CFAP161: variants seen among roughly 807,000 people sequenced by gnomAD.
CFAP161 encodes cilia and flagella associated protein 161, also known as cilia- and flagella-associated protein 161.
Under a neutral mutation model 29.0 loss-of-function variants are expected in CFAP161, and 25 were observed. That is an observed-to-expected ratio of 0.86 (90% CI 0.63 to 1.20). The LOEUF (loss-of-function observed/expected upper bound fraction) is 1.20. Among genes scored for constraint, CFAP161 ranks in the 50% most tolerant of loss-of-function variants. The probability of loss-of-function intolerance (pLI) is 0.00; values close to 1 mark genes in which losing one functional copy is unlikely to be tolerated. For synonymous variants in CFAP161, 116 were observed against 137.4 expected (o/e 0.84, Z 1.09); for missense variants, 367 against 371.9 (o/e 0.99, Z 0.11).
intron 1 of CFAP161, among the ~76,000 whole-genome samples, chr15:81,105,163 T>TC (rs1246992229): frequency 9.0e-5 from 3 of 33,152 alleles, no homozygotes; most frequent in African/African-American, 3.8e-4. Flanking sequence ...CTCCCTCCCT[T>TC]CCTTCCTCCC....
At chr15:81,108,628 C>A (rs1266916368) in intron 1 of CFAP161, among the ~76,000 whole-genome samples, 2 of 152,144 alleles carry the variant, frequency 1.3e-5, no homozygotes, top group Non-Finnish European at 1.5e-5. Context: ...TCTGGTGGGG[C>A]AAGGTGGAAG....
chr15:81,140,569 T>C (rs189350214), intron 4 of CFAP161, among the ~76,000 whole-genome samples: 105 of 151,898 alleles, frequency 6.9e-4, no homozygotes, highest in African/African-American at 2.3e-3. Flanking sequence ...TTTTTTCCTT[T>C]TTTTTTTGAG....
chr15:81,103,855 G>A (rs560427842), intron 1 of CFAP161, among the ~76,000 whole-genome samples: 1 of 152,172 alleles, frequency 6.6e-6, no homozygotes, highest in East Asian at 1.9e-4. Flanking sequence ...ACTATCTCCG[G>A]ATAAATAGTG....
chr15:81,133,176 CATATATATATATATATATATAT>C (rs141326043), upstream of CFAP161, among the ~76,000 whole-genome samples: 792 of 60,982 alleles, frequency 0.013, 33 homozygotes, highest in African/African-American at 0.043. Flanking sequence ...CCTTCATCAG[CATATATATATATATATATATAT>C]ATATATATAT....
chr15:81,142,110 T>C lies in CFAP161; in HGVS notation c.478-1552T>C, dbSNP rs908438768. Reference sequence around the variant, plus strand: ...ACGTCCAGCTGATTACCAGGTCTCTTCCGCTGTTCCTAGGCTCTTTTCTCC... The same window carrying C: ...ACGTCCAGCTGATTACCAGGTCTCTCCCGCTGTTCCTAGGCTCTTTTCTCC... On this transcript the variant is annotated intron_variant, in intron 4 of 6. Transcript: ENST00000286732. Among the ~76,000 whole-genome samples the C allele has an allele frequency of 7.2e-5, 11 of 152,060 alleles. 1 individual carries two copies. The highest frequency in any genetic ancestry group is 2.9e-5 in the Non-Finnish European group (2 of 68,018).
At position 81,136,634 on chromosome 15, in the gene CFAP161, G is replaced by C. The variant is rs202018244; in HGVS notation, c.278G>C (p.Cys93Ser). Residue 93 changes from cysteine (C) to serine (S), a missense_variant, in exon 3 of 7, where the codon TGT (cysteine) becomes TCT (serine). Physicochemically the swap from Cys to Ser is moderately radical, Grantham distance 112. Coordinates refer to ENST00000286732, the MANE Select transcript of CFAP161 (RefSeq NM_173528.4). ...TTTCTGCGTGGGGACCTGAGCCTGT[G>C]TATGACTCCAGATGAAATTCAGTCC... ...DVFLRGDLSL[C>S]MTPDEIQSHL... 42 of 1,614,178 alleles carry C rather than the reference G, an allele frequency of 2.6e-5. No homozygotes were observed. In the African/African-American group the frequency reaches 4.7e-4, roughly 18 times the overall value.
At chr15:81,116,460 A>AC (rs1567152341) in intron 1 of CFAP161, among the ~76,000 whole-genome samples, 1 of 151,778 alleles carries the variant, frequency 6.6e-6, no homozygotes, top group African/African-American at 2.4e-5. Context: ...CGCCCAGCTA[A>AC]TTTTTTTTGT....
intron 1 of CFAP161, among the ~76,000 whole-genome samples, chr15:81,114,742 C>A (rs1894476148): frequency 6.6e-6 from 1 of 152,184 alleles, no homozygotes; most frequent in South Asian, 2.1e-4. Context: ...CGGCTCACTG[C>A]AAGCTCCGCC....
rs1479063463 is a variant in CFAP161 at position 81,105,244 on chromosome 15, C to T, written c.-141-22346C>T. Among the ~76,000 whole-genome samples, 3 of 108,580 alleles carry T rather than the reference C, an allele frequency of 2.8e-5. 1 individual carries two copies. Among genetic ancestry groups the T allele is most frequent in the Non-Finnish European group, 5.6e-5 (3 of 53,556 alleles). 71.2% of individuals were successfully genotyped at this position (108,580 alleles called of 152,430 possible). A position where few individuals can be genotyped will look rare whatever the true frequency, so the allele number is the denominator to read the frequency against. On this transcript the variant is annotated intron_variant, in intron 1 of 4. Transcript: ENST00000560091. ...CACCCTCCCCCCTCTTTCTTTCTCT[C>T]TCTCTCTCCTTCCTCTTTCTCTTTC...
chr15:81,124,133 G>C (rs1894610406), intron 1 of CFAP161, among the ~76,000 whole-genome samples: 1 of 152,134 alleles, frequency 6.6e-6, no homozygotes, highest in South Asian at 2.1e-4. Context: ...CAAGAGGAAG[G>C]CTTCCAGTAT....
intron 1 of CFAP161, among the ~76,000 whole-genome samples, chr15:81,114,606 A>C (rs1894473999): frequency 6.6e-6 from 1 of 152,242 alleles, no homozygotes; most frequent in African/African-American, 2.4e-5. Context: ...CAATGGGAAT[A>C]TGCATGTCAT....
intron 1 of CFAP161, among the ~76,000 whole-genome samples, chr15:81,109,592 T>C (rs950536908): frequency 2.0e-5 from 3 of 152,180 alleles, no homozygotes; most frequent in Non-Finnish European, 2.9e-5. Context: ...TAGTCCCAGC[T>C]ATTCAGGAGG....
At chr15:81,133,768 A>T (rs1330327754), upstream of CFAP161, among the ~76,000 whole-genome samples, 5 of 152,116 alleles carry the variant, frequency 3.3e-5, no homozygotes, top group Non-Finnish European at 5.9e-5. Context: ...AAACAGAAAT[A>T]TACTAACATG....
chr15:81,143,700 G>A lies in CFAP161; in HGVS notation c.516G>A (p.Ser172=), dbSNP rs62000988. 9.7e-5 allele frequency: 157 copies of A among 1,614,038 alleles called. 1 individual carries two copies. The African/African-American group carries it at 1.5e-3, about 15-fold the overall frequency. ...LSSDHRTLLK[S]SKRSWLQEVY... is the part of the protein sequence containing the mutation. ...GTGACCACAGGACCCTCCTGAAATC[G>A]TCTAAGAGGTCTTGGCTCCAGGAAG... The change falls in exon 5 of 7, where the codon TCG becomes TCA. Residue 172 remains serine, a synonymous_variant. Coordinates refer to ENST00000286732, the MANE Select transcript of CFAP161 (RefSeq NM_173528.4).
At chr15:81,130,824 G>C (rs1443096763), upstream of CFAP161, among the ~76,000 whole-genome samples, 1 of 152,138 alleles carries the variant, frequency 6.6e-6, no homozygotes, top group Admixed American at 6.5e-5. Context: ...TGTGTCTCAG[G>C]GACTGGGAAG....
chr15:81,134,417 G>A lies in CFAP161; in HGVS notation c.69+19G>A. The A allele has an allele frequency of 1.3e-6, 2 of 1,572,034 alleles. No individual in the cohort carries two copies. Among genetic ancestry groups the A allele is most frequent in the Admixed American group, 1.9e-5 (1 of 52,134 alleles). ...GGAGGAGGTACGCAGGGTGTGGCCA[G>A]GCGCAGACCCGCAGCTCAGGAACTC... On this transcript the variant is annotated intron_variant, in intron 1 of 6. Transcript: ENST00000286732.
chr15:81,142,380 G>A (rs1018897918), intron 4 of CFAP161, among the ~76,000 whole-genome samples: 11 of 152,010 alleles, frequency 7.2e-5, no homozygotes, highest in African/African-American at 2.7e-4. Context: ...GGAGTCAGCA[G>A]TGGCTCCCCA....
intron 1 of CFAP161, chr15:81,117,531 G>T (rs1595910883): frequency 6.5e-6 from 1 of 153,504 alleles, no homozygotes; most frequent in Non-Finnish European, 1.4e-5. Context: ...CCTGGGGTTT[G>T]TATCACAGCT....
chr15:81,148,602 A>G lies in CFAP161; in HGVS notation c.*69A>G, dbSNP rs1378798341. ...AATGTAGCTTTAAAAGAAATTAACA[A>G]CCTTGGTCATGCCTCAAGCTATTTT... On this transcript the variant is annotated 3_prime_UTR_variant, in exon 7 of 7. Coordinates refer to ENST00000286732, the MANE Select transcript of CFAP161 (RefSeq NM_173528.4). 2.1e-6 allele frequency: 3 copies of G among 1,456,214 alleles called. No individual in the cohort carries two copies. The highest frequency in any genetic ancestry group is 2.8e-6 in the Non-Finnish European group (3 of 1,072,610). 90.2% of individuals were successfully genotyped at this position (1,456,214 alleles called of 1,614,324 possible). A position where few individuals can be genotyped will look rare whatever the true frequency, so the allele number is the denominator to read the frequency against.
Sources: gnomAD v4.1 joint callset for allele counts (sites outside exome capture counted in the v4.1 genomes callset) on GRCh38, gnomAD v4.1.1 for gene constraint, MANE v1.5 for transcripts, NCBI Gene and HGNC (gene_info 2026-07-23, HGNC 2026-07-21) for gene names.